Variants in LARP4B observed in about 807,000 individuals in gnomAD.
LARP4B encodes the protein La ribonucleoprotein 4B, also known as la-related protein 4B.
Under a neutral mutation model 89.8 loss-of-function variants are expected in LARP4B, and 12 were observed. The ratio of observed to expected loss-of-function variants is 0.13; its 90% CI spans 0.09 to 0.22. The LOEUF (loss-of-function observed/expected upper bound fraction) is 0.22. Ranked by LOEUF, LARP4B falls within the 10% of genes least tolerant of loss-of-function variation. LARP4B has a pLI of 1.00. For missense variants in LARP4B, 757 were observed against 947.7 expected, an observed-to-expected ratio of 0.80 and a Z score of 2.64; for synonymous variants, 367 against 363.3, an observed-to-expected ratio of 1.01 and a Z score of -0.12.
chr10:870,304 G>C (rs1835136745), intron 3 of LARP4B, among the ~76,000 whole-genome samples: 1 of 152,148 alleles, frequency 6.6e-6, no homozygotes, highest in South Asian at 2.1e-4. Context: ...CTCCTTCTGG[G>C]AAACTCTGCC....
chr10:878,630 A>G (rs1240925683), intron 3 of LARP4B, among the ~76,000 whole-genome samples: 1 of 152,206 alleles, frequency 6.6e-6, no homozygotes, highest in Non-Finnish European at 1.5e-5. Flanking sequence ...CGATCTGTGC[A>G]CATAGCTGTA....
At chr10:985,335 ATC>A in the LARP4B span, 1 of 152,238 alleles carries the variant, frequency 6.6e-6, no homozygotes, top group African/African-American at 2.4e-5. Flanking sequence ...ATAATACACA[ATC>A]TCTTTGCTCA....
chr10:851,839 C>T (rs1324306479), intron 5 of LARP4B, among the ~76,000 whole-genome samples: 2 of 151,978 alleles, frequency 1.3e-5, no homozygotes, highest in East Asian at 1.9e-4. Flanking sequence ...CTGAGGTGAG[C>T]GGATCGCTTG....
At chr10:903,779 CAATTGAA>C (rs1293427895) in intron 1 of LARP4B, among the ~76,000 whole-genome samples, 1 of 152,146 alleles carries the variant, frequency 6.6e-6, no homozygotes, top group Non-Finnish European at 1.5e-5. Flanking sequence ...CTACAGTTTT[CAATTGAA>C]AATACATAAT....
chr10:942,129 T>G, the LARP4B span: 34,057 of 152,088 alleles, frequency 0.22, 4,734 homozygotes, highest in African/African-American at 0.39. Context: ...GTTAAGAAGG[T>G]CATTTGAGCA....
At position 812,917 on chromosome 10, in the gene LARP4B, G is replaced by A. The variant is rs369034490; in HGVS notation, c.*9C>T. On this transcript the variant is annotated 3_prime_UTR_variant, in exon 18 of 18. Coordinates refer to ENST00000316157, the MANE Select transcript of LARP4B (RefSeq NM_015155.3). ...CAGCGCTCTGCGACCCCTCCCAGACGTACGGTTTTCACTGAGGAGACTTGG... is the reference window on the plus strand; with the variant it reads ...CAGCGCTCTGCGACCCCTCCCAGACATACGGTTTTCACTGAGGAGACTTGG... The A allele has an allele frequency of 1.3e-5, 20 of 1,526,500 alleles. No homozygotes were observed. Among genetic ancestry groups the A allele is most frequent in the South Asian group, 6.6e-5 (5 of 75,940 alleles). The allele number at this position is 1,526,500 out of a possible 1,614,324, so 94.6% of individuals were successfully genotyped here. A position where few individuals can be genotyped will look rare whatever the true frequency, so the allele number is the denominator to read the frequency against.
At chr10:907,556 A>C (rs565517281) in intron 1 of LARP4B, among the ~76,000 whole-genome samples, 11 of 152,258 alleles carry the variant, frequency 7.2e-5, no homozygotes, top group South Asian at 2.1e-4. Context: ...TATTATCAAA[A>C]CAAATCACTA....
intron 8 of LARP4B, among the ~76,000 whole-genome samples, chr10:833,282 A>AC (rs1321004979): frequency 1.4e-5 from 2 of 146,528 alleles, no homozygotes; most frequent in East Asian, 3.9e-4. Context: ...AAAAAAAAAA[A>AC]AACCTCAAAA....
chr10:979,396 G>A, the LARP4B span, among the ~76,000 whole-genome samples: 1 of 152,170 alleles, frequency 6.6e-6, no homozygotes, highest in African/African-American at 2.4e-5. Flanking sequence ...TGGCTGTTGG[G>A]TTAGTCAAAG....
At chr10:892,688 G>A (rs894151729) in intron 1 of LARP4B, among the ~76,000 whole-genome samples, 3 of 149,996 alleles carry the variant, frequency 2.0e-5, no homozygotes, top group Non-Finnish European at 4.5e-5. Flanking sequence ...TACAGGCGCC[G>A]GCCACCACAC....
intron 5 of LARP4B, among the ~76,000 whole-genome samples, chr10:848,207 C>T (rs1433796639): frequency 3.3e-5 from 5 of 151,824 alleles, no homozygotes; most frequent in Non-Finnish European, 7.3e-5. Context: ...AGCCCTGCCT[C>T]GGTGATAGGA....
chr10:888,175 C>T (rs927705439), intron 1 of LARP4B, among the ~76,000 whole-genome samples: 1 of 152,014 alleles, frequency 6.6e-6, no homozygotes, highest in Non-Finnish European at 1.5e-5. Context: ...CAAAAATGAG[C>T]TGGGCCTGGT....
chr10:882,357 T>C (rs1467426542), intron 3 of LARP4B, among the ~76,000 whole-genome samples: 1 of 152,108 alleles, frequency 6.6e-6, no homozygotes, highest in Non-Finnish European at 1.5e-5. Context: ...TCACTCATTA[T>C]AATATATTGT....
chr10:932,833 C>T (rs1164621845), upstream of LARP4B, among the ~76,000 whole-genome samples: 2 of 149,364 alleles, frequency 1.3e-5, no homozygotes, highest in Non-Finnish European at 3.0e-5. Context: ...CACCCCTAAC[C>T]AAGGCCTCGG....
At chr10:821,504 G>A (rs891365592) in intron 13 of LARP4B, among the ~76,000 whole-genome samples, 2 of 152,170 alleles carry the variant, frequency 1.3e-5, no homozygotes, top group Admixed American at 6.5e-5. Context: ...GTGACTTCAC[G>A]TGGAGACCTA....
At chr10:832,582 C>T (rs1027482991) in intron 8 of LARP4B, among the ~76,000 whole-genome samples, 1 of 152,104 alleles carries the variant, frequency 6.6e-6, no homozygotes, top group African/African-American at 2.4e-5. Flanking sequence ...AAAATCTTCA[C>T]AGCAGCCAGA....
chr10:977,559 A>AG, the LARP4B span, among the ~76,000 whole-genome samples: 8 of 151,616 alleles, frequency 5.3e-5, no homozygotes, highest in African/African-American at 9.7e-5. Context: ...AAAAAAAAAA[A>AG]AGAGAGAGAG....
At chr10:958,675 C>A in the LARP4B span, among the ~76,000 whole-genome samples, 2 of 152,202 alleles carry the variant, frequency 1.3e-5, no homozygotes, top group Non-Finnish European at 2.9e-5. Context: ...TCCACAGTCA[C>A]CTGAAGGGAC....
At chr10:894,819 T>C (rs768975329) in intron 1 of LARP4B, among the ~76,000 whole-genome samples, 4 of 152,196 alleles carry the variant, frequency 2.6e-5, no homozygotes, top group Non-Finnish European at 5.9e-5. Flanking sequence ...GGCAAGCTGA[T>C]GGTAGCTAAA....
Sources: gnomAD v4.1 joint callset for allele counts (sites outside exome capture counted in the v4.1 genomes callset) on GRCh38, gnomAD v4.1.1 for gene constraint, MANE v1.5 for transcripts, NCBI Gene and HGNC (gene_info 2026-07-23, HGNC 2026-07-21) for gene names.